DOCK1: variants seen among roughly 807,000 people sequenced by gnomAD.
DOCK1 encodes the protein dedicator of cytokinesis protein 1.
A neutral mutation model predicts 262.7 loss-of-function variants in DOCK1; 138 were observed. The ratio of observed to expected loss-of-function variants is 0.53; its 90% CI spans 0.46 to 0.61. The LOEUF (loss-of-function observed/expected upper bound fraction) is 0.61. Ranked by LOEUF, DOCK1 falls within the 20% of genes least tolerant of loss-of-function variation. The pLI, the probability that DOCK1 is intolerant of heterozygous loss-of-function variation, is 0.00. For synonymous variants in DOCK1, 866 were observed against 867.4 expected, an observed-to-expected ratio of 1.00 and a Z score of 0.03; for missense variants, 1,908 against 2,370.7, an observed-to-expected ratio of 0.80 and a Z score of 4.05.
At position 126,947,247 on chromosome 10, in the gene DOCK1, A is replaced by G. The variant is rs2035495657; in HGVS notation, c.47-23455A>G. On this transcript the variant is annotated intron_variant, in intron 1 of 51. Transcript: ENST00000623213. ...GGTGGTGCTGGTAATGTGGTTGATG[A>G]TGGTGGTGGTTGGTAGTACTACTGT... Among the ~76,000 whole-genome samples, 2 of 151,756 alleles carry G rather than the reference A, an allele frequency of 1.3e-5. 1 individual carries two copies. Among genetic ancestry groups the G allele is most frequent in the Admixed American group, 1.3e-4 (2 of 15,220 alleles).
chr10:127,246,268 C>T (rs2059427384), intron 27 of DOCK1, among the ~76,000 whole-genome samples: 1 of 152,192 alleles, frequency 6.6e-6, no homozygotes, highest in Non-Finnish European at 1.5e-5. Flanking sequence ...CTTTGCCATT[C>T]ACTCCTTCAG....
At chr10:127,310,118 G>A (rs1017000738) in intron 29 of DOCK1, among the ~76,000 whole-genome samples, 4 of 152,002 alleles carry the variant, frequency 2.6e-5, no homozygotes, top group Non-Finnish European at 5.9e-5. Flanking sequence ...CAAGTGATCC[G>A]CCTGCCTTAG....
intron 29 of DOCK1, among the ~76,000 whole-genome samples, chr10:127,335,949 C>T (rs1013454806): frequency 6.6e-6 from 1 of 152,068 alleles, no homozygotes; most frequent in Non-Finnish European, 1.5e-5. Context: ...ATCTCCTGAC[C>T]TTGTGATCCG....
At chr10:127,060,524 GGTATC>G (rs2045463331) in intron 22 of DOCK1, among the ~76,000 whole-genome samples, 1 of 152,088 alleles carries the variant, frequency 6.6e-6, no homozygotes, top group African/African-American at 2.4e-5. Context: ...CAAGTTTTCA[GGTATC>G]GTATATTTTT....
At chr10:127,153,912 C>T (rs775924953) in intron 27 of DOCK1, 5 of 1,613,628 alleles carry the variant, frequency 3.1e-6, no homozygotes, top group South Asian at 1.1e-5. Flanking sequence ...TTGCCCCGTC[C>T]GATATGAAAG....
At chr10:126,919,716 A>G (rs545141258) in intron 1 of DOCK1, among the ~76,000 whole-genome samples, 64 of 152,324 alleles carry the variant, frequency 4.2e-4, no homozygotes, top group African/African-American at 1.4e-3. Context: ...TGCTCTCTGC[A>G]GTTCTGCGAC....
chr10:126,995,931 A>T lies in DOCK1; in HGVS notation c.474-817A>T, dbSNP rs1383427089. On this transcript the variant is annotated intron_variant, in intron 6 of 51. Transcript: ENST00000623213. The surrounding 1 kb of genome is among the most constrained non-coding windows in gnomAD (Gnocchi z 5.8). ...GGGATCCCTATTGGGGTCAGTGGGG[A>T]GTAAAAAGGTGGTGGATAGATCTCT... Among the ~76,000 whole-genome samples the T allele has an allele frequency of 6.6e-6, 1 of 152,154 alleles. No homozygotes were observed. The highest frequency in any genetic ancestry group is 1.5e-5 in the Non-Finnish European group (1 of 68,030).
In DOCK1 at chr10:127,374,649, T is replaced by C. The variant is rs1328490750; in HGVS notation, c.3675+435T>C. Among the ~76,000 whole-genome samples, 9 of 152,032 alleles carry C rather than the reference T, an allele frequency of 5.9e-5. No homozygotes were observed. The East Asian group carries it at 1.7e-3, about 29-fold the overall frequency. On this transcript the variant is annotated intron_variant, in intron 35 of 51. Coordinates refer to ENST00000623213, the MANE Select transcript of DOCK1 (RefSeq NM_001290223.2). Reference sequence around the variant, plus strand: ...AAACAAGAGGCCCTGCAAATATAATTAAAAAGAATCTCAGATGGGATTATC... The same window carrying C: ...AAACAAGAGGCCCTGCAAATATAATCAAAAAGAATCTCAGATGGGATTATC...
intron 21 of DOCK1, among the ~76,000 whole-genome samples, chr10:127,045,702 T>C (rs192917414): frequency 6.6e-6 from 1 of 152,312 alleles, no homozygotes; most frequent in East Asian, 1.9e-4. Context: ...AGTTCATGGA[T>C]GCTGGAGCCC....
chr10:127,077,381 C>T (rs1202114448), intron 23 of DOCK1, among the ~76,000 whole-genome samples: 4 of 151,986 alleles, frequency 2.6e-5, no homozygotes, highest in African/African-American at 9.7e-5. Flanking sequence ...GGTGACAGAG[C>T]GAGACTGTGT....
intron 29 of DOCK1, among the ~76,000 whole-genome samples, chr10:127,334,762 A>G (rs1303761003): frequency 6.6e-6 from 1 of 152,160 alleles, no homozygotes; most frequent in Non-Finnish European, 1.5e-5. Context: ...TTTAATTCTC[A>G]CAGCATTTGT....
rs370957941 is a variant in DOCK1, at chr10:127,175,799, C to T, written c.2847+48035C>T. 192 of 1,614,082 alleles carry T rather than the reference C, an allele frequency of 1.2e-4. No homozygotes were observed. Among genetic ancestry groups the T allele is most frequent in the South Asian group, 1.6e-4 (15 of 91,078 alleles). On this transcript the variant is annotated intron_variant, in intron 27 of 51. Coordinates refer to ENST00000623213, the MANE Select transcript of DOCK1 (RefSeq NM_001290223.2). This position sits in a 1 kb window ranked among gnomAD's most constrained non-coding sequence, Gnocchi z 6.3. ...CAGCTTCTCCATAGCTGAGCGGCTC[C>T]GGGCTTTTACAGGGCTCTGTGCAGT...
intron 25 of DOCK1, among the ~76,000 whole-genome samples, chr10:127,119,586 T>C (rs918441807): frequency 6.6e-6 from 1 of 152,168 alleles, no homozygotes; most frequent in African/African-American, 2.4e-5. Context: ...GGTTGGAAAA[T>C]AAGACAATTG....
At chr10:126,951,580 G>A (rs1359897801) in intron 1 of DOCK1, among the ~76,000 whole-genome samples, 1 of 150,862 alleles carries the variant, frequency 6.6e-6, no homozygotes, top group Admixed American at 6.7e-5. Flanking sequence ...TGTGGTGGTG[G>A]TAGTATTGTT....
chr10:126,949,065 C>T (rs936785943), intron 1 of DOCK1, among the ~76,000 whole-genome samples: 1 of 152,136 alleles, frequency 6.6e-6, no homozygotes, highest in African/African-American at 2.4e-5. Flanking sequence ...CCTGGCCTCC[C>T]CTTTCTGGGA....
intron 25 of DOCK1, 105 bp downstream of exon 25, chr10:127,110,459 C>A: frequency 1.0e-6 from 1 of 953,352 alleles, no homozygotes; most frequent in Non-Finnish European, 1.6e-6. Context: ...AGGCTGCAAC[C>A]AATTAAAACT....
At chr10:127,365,333 C>G (rs1474636221) in intron 33 of DOCK1, among the ~76,000 whole-genome samples, 2 of 152,106 alleles carry the variant, frequency 1.3e-5, no homozygotes, top group African/African-American at 2.4e-5. Context: ...AAATTATTGC[C>G]AAATGGTTTG....
chr10:127,261,856 G>A (rs574474836), intron 29 of DOCK1, among the ~76,000 whole-genome samples: 2 of 138,576 alleles, frequency 1.4e-5, no homozygotes, highest in East Asian at 4.7e-4. Context: ...GTGTGTACCT[G>A]CATGTGGGTG....
chr10:126,958,269 C>G (rs1705203047), intron 1 of DOCK1, among the ~76,000 whole-genome samples: 4 of 152,154 alleles, frequency 2.6e-5, no homozygotes, highest in Non-Finnish European at 1.5e-5. Flanking sequence ...TGTTACATGG[C>G]TCATGGTGTT....
Sources: allele counts gnomAD v4.1 joint callset (sites outside exome capture counted in the v4.1 genomes callset), GRCh38; gene constraint gnomAD v4.1.1; non-coding constraint Gnocchi (gnomAD v3.1); transcripts MANE v1.5; gene names NCBI Gene and HGNC (gene_info 2026-07-23, HGNC 2026-07-21).